Variants in RELN observed in about 807,000 individuals in gnomAD.
The protein encoded by RELN is reelin.
In RELN, 108 loss-of-function variants were observed where a neutral mutation model predicts 427.6. That is an observed-to-expected ratio of 0.25 (90% CI 0.22 to 0.30). The LOEUF (loss-of-function observed/expected upper bound fraction) is 0.30, where lower values mean the gene tolerates loss of function less well. RELN is among the 10% of genes least tolerant of loss of function. The pLI, the probability that RELN is intolerant of heterozygous loss-of-function variation, is 1.00. For synonymous variants in RELN, 1,524 were observed against 1,513.4 expected (o/e 1.01, Z -0.16); for missense variants, 3,715 against 4,302.8 (o/e 0.86, Z 3.82).
chr7:103,890,198 CT>C (rs5886284), intron 2 of RELN, among the ~76,000 whole-genome samples: 79 of 148,742 alleles, frequency 5.3e-4, no homozygotes, highest in African/African-American at 4.7e-4. Flanking sequence ...GCACTCTGAA[CT>C]TTTTTTTTTT....
At chr7:103,715,687 T>C (rs1034858704) in intron 8 of RELN, among the ~76,000 whole-genome samples, 6 of 152,194 alleles carry the variant, frequency 3.9e-5, no homozygotes, top group South Asian at 2.1e-4. Flanking sequence ...AATATTTGTA[T>C]TTCTTCATTG....
At position 103,982,472 on chromosome 7, in the gene RELN, G is replaced by A. The variant is rs564738645; in HGVS notation, c.226+6659C>T. ...CTATCAGTAAGAAGAGAAAAAAGGT[G>A]TAGAGATGGCAATGGGGGAAACCTG... is the stretch of plus-strand genomic sequence containing the variant. On this transcript the variant is annotated intron_variant, in intron 1 of 64. Coordinates refer to ENST00000428762, the MANE Select transcript of RELN (RefSeq NM_005045.4). Among the ~76,000 whole-genome samples the A allele has an allele frequency of 3.3e-5, 5 of 152,260 alleles. No homozygotes were observed. The East Asian group carries it at 7.7e-4, about 24-fold the overall frequency.
chr7:103,753,064 G>C (rs985770402), intron 5 of RELN, 118 bp downstream of exon 5: 4 of 1,005,094 alleles, frequency 4.0e-6, no homozygotes, highest in Non-Finnish European at 6.3e-6. Context: ...TTCAGTGACT[G>C]ATCAATGATC....
rs569485645 is a variant in RELN, at chr7:103,562,126, C to G, written c.5211-173G>C. On this transcript the variant is annotated intron_variant, in intron 34 of 64. Coordinates refer to ENST00000428762, the MANE Select transcript of RELN (RefSeq NM_005045.4). The stretch of plus-strand genomic sequence containing the variant: ...ACTAAGTAGTAAGAAATGCTGTTTT[C>G]TCTTGACTCATAAACAGGAGAGTAG... Among the ~76,000 whole-genome samples the G allele has an allele frequency of 1.2e-3, 184 of 152,270 alleles. 3 individuals carry two copies. The highest frequency in any genetic ancestry group is 4.3e-3 in the African/African-American group (178 of 41,554).
chr7:103,742,615 G>T lies in RELN; in HGVS notation c.656+6811C>A, dbSNP rs77892741. On this transcript the variant is annotated intron_variant, in intron 6 of 64. Coordinates refer to ENST00000428762, the MANE Select transcript of RELN (RefSeq NM_005045.4). ...AACCAAGGCACGAGAGCTACATGAC[G>T]AATGCAGAAGCCTCAGTAGCCAATG... Among the ~76,000 whole-genome samples, 397 of 152,312 alleles carry T rather than the reference G, an allele frequency of 2.6e-3. 2 individuals carry two copies. The highest frequency in any genetic ancestry group is 9.3e-3 in the African/African-American group (388 of 41,560).
chr7:103,539,550 A>G, intron 44 of RELN: 1 of 563,298 alleles, frequency 1.8e-6, no homozygotes, highest in Non-Finnish European at 3.1e-6. Context: ...GATTGACAAA[A>G]CCATTCACAG....
At chr7:103,912,098 A>G (rs909488223) in intron 2 of RELN, among the ~76,000 whole-genome samples, 1 of 152,198 alleles carries the variant, frequency 6.6e-6, no homozygotes, top group Non-Finnish European at 1.5e-5. Flanking sequence ...ATATGACATG[A>G]ATAGCTGAAT....
chr7:103,854,313 A>G (rs1004512640), intron 2 of RELN, among the ~76,000 whole-genome samples: 1 of 152,142 alleles, frequency 6.6e-6, no homozygotes, highest in Non-Finnish European at 1.5e-5. Context: ...GACTGAGTTG[A>G]TGTTTATTTT....
chr7:103,503,351 T>C, intron 51 of RELN, 121 bp from the exon 52 acceptor site: 1 of 812,788 alleles, frequency 1.2e-6, no homozygotes, highest in Non-Finnish European at 2.1e-6. Flanking sequence ...CCATCCTGTA[T>C]TTTCAGATTC....
At chr7:103,610,927 T>C (rs1831939034) in intron 21 of RELN, 120 bp from the exon 22 acceptor site, 3 of 708,792 alleles carry the variant, frequency 4.2e-6, no homozygotes, top group South Asian at 3.0e-5. Flanking sequence ...ATCTTAACTA[T>C]TTGTGATATG....
chr7:103,650,341 G>A lies in RELN; in HGVS notation c.1935C>T (p.Thr645=), dbSNP rs768883584. The part of the protein sequence containing the change: ...ITIPLPNAAL[T]RNTRIRWRQT... ...GTCTCCAGCGAATCCTGGTGTTCCG[G>A]GTTAGTGCTGCGTTAGGAAGGGGAA... The change falls in exon 16 of 65, where the codon ACC becomes ACT. Residue 645 remains threonine, a synonymous_variant. Transcript: ENST00000428762. 265 of 1,612,882 alleles carry A rather than the reference G, an allele frequency of 1.6e-4. No homozygotes were observed. Among genetic ancestry groups the A allele is most frequent in the Non-Finnish European group, 2.2e-4 (262 of 1,179,348 alleles).
intron 16 of RELN, among the ~76,000 whole-genome samples, chr7:103,649,776 T>C (rs80128448): frequency 0.011 from 1,612 of 152,102 alleles, 35 homozygotes; most frequent in African/African-American, 0.036. Context: ...CTAAGTTTTC[T>C]TTCTATACTA....
chr7:103,889,496 G>C (rs961599765), intron 2 of RELN, among the ~76,000 whole-genome samples: 4 of 152,168 alleles, frequency 2.6e-5, no homozygotes, highest in Non-Finnish European at 5.9e-5. Context: ...AGTCAAGAGG[G>C]TTTAGTGAGC....
chr7:103,815,422 A>G lies in RELN; in HGVS notation c.473+18115T>C, dbSNP rs181978196. Among the ~76,000 whole-genome samples the G allele has an allele frequency of 3.7e-4, 56 of 152,360 alleles. No individual in the cohort carries two copies. The East Asian group carries it at 7.5e-3, about 20-fold the overall frequency. ...TGTAATCTTCCTCAGATTTAAAATC[A>G]TAAGTGTGACTTGATGCATGAAACA... On this transcript the variant is annotated intron_variant, in intron 3 of 64. Transcript: ENST00000428762.
At chr7:103,611,020 G>A (rs974115019) in intron 21 of RELN, among the ~76,000 whole-genome samples, 2 of 152,082 alleles carry the variant, frequency 1.3e-5, no homozygotes, top group African/African-American at 4.8e-5. Flanking sequence ...TTTCAAATGA[G>A]GTGCCATAAA....
intron 51 of RELN, 80 bp downstream of exon 51, chr7:103,510,771 T>G: frequency 1.7e-6 from 2 of 1,174,034 alleles, no homozygotes; most frequent in Non-Finnish European, 2.5e-6. Context: ...CAATGAAATA[T>G]TAGATCATCT....
intron 1 of RELN, among the ~76,000 whole-genome samples, chr7:103,962,529 A>G (rs555583692): frequency 3.3e-5 from 5 of 152,144 alleles, no homozygotes; most frequent in Admixed American, 6.6e-5. Flanking sequence ...GCACTGAGGC[A>G]CCTCACCAGT....
Position 103,551,145 on chromosome 7 carries a change from G to A in RELN, c.6224C>T (p.Pro2075Leu). 1 of 1,614,084 alleles carries A rather than the reference G, an allele frequency of 6.2e-7. No individual in the cohort carries two copies. Among genetic ancestry groups the A allele is most frequent in the Middle Eastern group, 1.6e-4 (1 of 6,062 alleles). ...GGTTCCTGCGTAGTAGGTGCTGCTG[G>A]GGTGGTGCTCGGTGGAGCATAAAGA... is the stretch of plus-strand genomic sequence containing the variant. ...VSSLCSTEHH[P>L]SSTYYAGTMQ... The change falls in exon 41 of 65, where the codon CCC (proline) becomes CTC (leucine). Residue 2075 changes from proline (P) to leucine (L), a missense_variant. Physicochemically the swap from Pro to Leu is moderately conservative, Grantham distance 98. This residue lies in a region of RELN where 1,310 missense variants were observed against 1,643.0 expected (regional missense o/e 0.80). Coordinates refer to ENST00000428762, the MANE Select transcript of RELN (RefSeq NM_005045.4).
chr7:103,808,075 CCTT>C lies in RELN; in HGVS notation c.473+25459_473+25461del, dbSNP rs1792643904. ...AGGCTGGAAATTAGGTATAAATCCT[CCTT>C]CAAGAGGTTGGAAAGTCTGTTTAAA... On this transcript the variant is annotated intron_variant, in intron 3 of 64. Transcript: ENST00000428762. Among the ~76,000 whole-genome samples the C allele has an allele frequency of 2.0e-5, 3 of 152,096 alleles. No individual in the cohort carries two copies. The South Asian group carries it at 6.2e-4, about 32-fold the overall frequency.
Sources: allele counts gnomAD v4.1 joint callset (sites outside exome capture counted in the v4.1 genomes callset), GRCh38; gene constraint gnomAD v4.1.1; regional missense constraint gnomAD v4.1.1; transcripts MANE v1.5; gene names NCBI Gene and HGNC (gene_info 2026-07-23, HGNC 2026-07-21).